CSMD3: variants seen among roughly 807,000 people sequenced by gnomAD.
CSMD3 encodes the protein CUB and Sushi multiple domains 3.
A neutral mutation model predicts 435.2 loss-of-function variants in CSMD3; 177 were observed. That is an observed-to-expected ratio of 0.41 (90% confidence interval 0.36 to 0.46). The LOEUF (loss-of-function observed/expected upper bound fraction) is 0.46. CSMD3 is among the 20% of genes least tolerant of loss of function. The probability of loss-of-function intolerance (pLI) is 0.34; values close to 1 mark genes in which losing one functional copy is unlikely to be tolerated. For synonymous variants in CSMD3, 1,656 were observed against 1,520.5 expected (o/e 1.09, Z -2.07); for missense variants, 4,265 against 4,504.6 (o/e 0.95, Z 1.52).
intron 3 of CSMD3, among the ~76,000 whole-genome samples, chr8:113,256,032 A>ATATTGTTTG (rs1276279674): frequency 6.6e-6 from 1 of 152,080 alleles, no homozygotes; most frequent in East Asian, 1.9e-4. Context: ...CATATATCAG[A>ATATTGTTTG]AGATGCATTT....
At chr8:112,983,671 G>C (rs2085136519) in intron 6 of CSMD3, among the ~76,000 whole-genome samples, 1 of 151,510 alleles carries the variant, frequency 6.6e-6, no homozygotes, top group South Asian at 2.1e-4. Flanking sequence ...GGGGAGAAGT[G>C]TGAAGTTTGC....
At chr8:112,359,740 A>T (rs1308684153) in intron 38 of CSMD3, among the ~76,000 whole-genome samples, 1 of 152,074 alleles carries the variant, frequency 6.6e-6, no homozygotes. Flanking sequence ...CATTTGAGGC[A>T]GTCTTGAATT....
chr8:113,380,186 T>G (rs2094409033), intron 1 of CSMD3, among the ~76,000 whole-genome samples: 1 of 152,186 alleles, frequency 6.6e-6, no homozygotes, highest in African/African-American at 2.4e-5. Context: ...TTTAACATGT[T>G]CATTTTGATA....
intron 6 of CSMD3, chr8:113,018,698 G>A (rs1470971612): frequency 4.6e-6 from 1 of 216,716 alleles, no homozygotes; most frequent in Non-Finnish European, 9.3e-6. Flanking sequence ...TGCTGCATAT[G>A]GAGGTGAGTT....
At chr8:112,396,085 T>G (rs569849812) in intron 35 of CSMD3, among the ~76,000 whole-genome samples, 12 of 152,232 alleles carry the variant, frequency 7.9e-5, no homozygotes, top group Non-Finnish European at 1.3e-4. Context: ...CAATCAACAG[T>G]TTAGTTTTAG....
intron 47 of CSMD3, among the ~76,000 whole-genome samples, chr8:112,318,051 A>T (rs553572939): frequency 6.6e-6 from 1 of 152,204 alleles, no homozygotes; most frequent in African/African-American, 2.4e-5. Flanking sequence ...AGCTTAGCAC[A>T]TCATTCAAGG....
intron 2 of CSMD3, among the ~76,000 whole-genome samples, chr8:113,283,276 C>A (rs781467377): frequency 6.6e-6 from 1 of 151,988 alleles, no homozygotes; most frequent in Admixed American, 6.6e-5. Context: ...GCAAAAGGAA[C>A]ATTCACCAGA....
intron 16 of CSMD3, among the ~76,000 whole-genome samples, chr8:112,673,116 T>A (rs530157390): frequency 3.9e-4 from 59 of 152,042 alleles, no homozygotes; most frequent in African/African-American, 1.3e-3. Context: ...TTGTTCTTGA[T>A]AAAATCTAGA....
intron 27 of CSMD3, among the ~76,000 whole-genome samples, chr8:112,521,836 A>C (rs547475486): frequency 5.1e-4 from 77 of 151,988 alleles, no homozygotes; most frequent in Non-Finnish European, 9.4e-4. Flanking sequence ...AATGTAAAAA[A>C]TAAGTATAAA....
intron 13 of CSMD3, among the ~76,000 whole-genome samples, chr8:112,740,144 T>C (rs928865916): frequency 2.0e-5 from 3 of 151,760 alleles, no homozygotes; most frequent in African/African-American, 7.2e-5. Flanking sequence ...TCTCAGAGCT[T>C]TTTGGCATAA....
chr8:112,615,704 A>G (rs1355980880), intron 22 of CSMD3, among the ~76,000 whole-genome samples: 1 of 152,066 alleles, frequency 6.6e-6, no homozygotes, highest in Admixed American at 6.6e-5. Flanking sequence ...AACCATACGA[A>G]AAAAGAGTTC....
chr8:112,563,404 TC>T (rs1373472409), intron 24 of CSMD3, among the ~76,000 whole-genome samples: 2 of 151,252 alleles, frequency 1.3e-5, no homozygotes, highest in Non-Finnish European at 3.0e-5. Flanking sequence ...GATAAAAGGA[TC>T]TTTTTTTTTT....
At chr8:112,897,664 TTCTC>T (rs148140086) in intron 10 of CSMD3, among the ~76,000 whole-genome samples, 2,098 of 134,870 alleles carry the variant, frequency 0.016, 27 homozygotes, top group Middle Eastern at 0.048. Flanking sequence ...AAAATACTAT[TTCTC>T]TCTCTCTCTC....
chr8:112,395,506 G>A (rs546489768), intron 35 of CSMD3, among the ~76,000 whole-genome samples: 1 of 152,176 alleles, frequency 6.6e-6, no homozygotes, highest in Admixed American at 6.6e-5. Context: ...AAGTAGACAG[G>A]TGTTGCCATG....
At position 112,942,777 on chromosome 8, in the gene CSMD3, G is replaced by A. The variant is rs187606737; in HGVS notation, c.1508+5013C>T. 2.5e-3 allele frequency among the ~76,000 whole-genome samples: 385 copies of A among 151,510 alleles called. 11 individuals are homozygous for A. The highest frequency in any genetic ancestry group is 0.025 in the Admixed American group (382 of 15,142). On this transcript the variant is annotated intron_variant, in intron 9 of 70. Coordinates refer to ENST00000297405, the MANE Select transcript of CSMD3 (RefSeq NM_198123.2). ...TATTGGGCATTATGCATATTACCTG[G>A]GTGACAAAAAATAATCTGTACACCT...
intron 32 of CSMD3, among the ~76,000 whole-genome samples, chr8:112,459,125 G>A (rs1817171236): frequency 1.3e-5 from 2 of 152,018 alleles, no homozygotes; most frequent in Non-Finnish European, 1.5e-5. Flanking sequence ...TGTCCAACGG[G>A]TTTTGTTAAT....
chr8:112,477,761 T>G (rs1173864056), intron 31 of CSMD3, among the ~76,000 whole-genome samples: 2 of 152,174 alleles, frequency 1.3e-5, no homozygotes, highest in Non-Finnish European at 2.9e-5. Flanking sequence ...CCAATTAAAT[T>G]TATTTTCTTT....
intron 6 of CSMD3, among the ~76,000 whole-genome samples, chr8:112,996,397 T>C (rs1198403197): frequency 6.6e-6 from 1 of 151,646 alleles, no homozygotes; most frequent in Non-Finnish European, 1.5e-5. Context: ...AAATTTAGCA[T>C]CTAATTTAAT....
intron 5 of CSMD3, among the ~76,000 whole-genome samples, chr8:113,094,563 A>T (rs1389616454): frequency 6.6e-6 from 1 of 152,216 alleles, no homozygotes; most frequent in East Asian, 1.9e-4. Context: ...TTCTCACGCT[A>T]CTAATCTATT....
Sources: gnomAD v4.1 joint callset for allele counts (sites outside exome capture counted in the v4.1 genomes callset) on GRCh38, gnomAD v4.1.1 for gene constraint, MANE v1.5 for transcripts, NCBI Gene and HGNC (gene_info 2026-07-23, HGNC 2026-07-21) for gene names.